KDR: variants seen among roughly 807,000 people sequenced by gnomAD.
KDR encodes the protein vascular endothelial growth factor receptor 2.
In KDR, 43 loss-of-function variants were observed where a neutral mutation model predicts 160.9. The ratio of observed to expected loss-of-function variants is 0.27; its 90% CI spans 0.21 to 0.34. KDR has a LOEUF of 0.34. KDR is among the 10% of genes least tolerant of loss of function. The pLI is 1.00. For synonymous variants in KDR, 617 were observed against 600.1 expected (o/e 1.03, Z -0.41); for missense variants, 1,469 against 1,666.4 (o/e 0.88, Z 2.06).
Position 55,079,014 on chromosome 4 carries a change from G to A in KDR, c.*927C>T, listed in dbSNP as rs776261771. 1.0e-4 allele frequency: 24 copies of A among 233,086 alleles called. No individual in the cohort carries two copies. Among genetic ancestry groups the A allele is most frequent in the South Asian group, 1.8e-4 (1 of 5,526 alleles). The allele number at this position is 233,086 out of a possible 1,614,324, so 14.4% of individuals were successfully genotyped here. On this transcript the variant is annotated 3_prime_UTR_variant, in exon 30 of 30. Coordinates refer to ENST00000263923, the MANE Select transcript of KDR (RefSeq NM_002253.4). ...CACACAGCTTCACATTGAACCTCCC[G>A]CATTCAGTCTCAGACATATCACATC... is the stretch of plus-strand genomic sequence containing the variant.
At chr4:55,095,047 T>C (rs1316088573) in intron 20 of KDR, 92 bp from the exon 21 acceptor site, 9 of 1,224,892 alleles carry the variant, frequency 7.3e-6, no homozygotes, top group Middle Eastern at 1.9e-4. Flanking sequence ...ACCATGGAGA[T>C]AATTGAAACT....
At chr4:55,120,339 G>A (rs1269221089) in intron 2 of KDR, among the ~76,000 whole-genome samples, 1 of 152,122 alleles carries the variant, frequency 6.6e-6, no homozygotes, top group Non-Finnish European at 1.5e-5. Flanking sequence ...TCCTAAGAAG[G>A]CTCCATGCCT....
chr4:55,097,833 G>A (rs1225531920), intron 17 of KDR, 67 bp from the exon 18 acceptor site: 2 of 1,124,076 alleles, frequency 1.8e-6, no homozygotes, highest in Non-Finnish European at 2.7e-6. Context: ...GTGATACGCA[G>A]AGACATCAAC....
chr4:55,115,267 G>T lies in KDR; in HGVS notation c.489+14C>A. The T allele has an allele frequency of 6.3e-7, 1 of 1,598,212 alleles. No individual in the cohort carries two copies. Among genetic ancestry groups the T allele is most frequent in the South Asian group, 1.1e-5 (1 of 90,798 alleles). On this transcript the variant is annotated intron_variant, in intron 4 of 29. Transcript: ENST00000263923. ...ATAAAAACTTAAGAGACGATTGGAGGAGATGCAACTTACTGCACAAAGTGA... is the reference window on the plus strand; with the variant it reads ...ATAAAAACTTAAGAGACGATTGGAGTAGATGCAACTTACTGCACAAAGTGA...
intron 1 of KDR, among the ~76,000 whole-genome samples, chr4:55,123,718 A>C (rs1720954742): frequency 6.6e-6 from 1 of 152,230 alleles, no homozygotes; most frequent in South Asian, 2.1e-4. Flanking sequence ...CTACTACTCA[A>C]TAAAAAGCCC....
Position 55,110,564 on chromosome 4 carries a change from T to G in KDR, c.1094A>C (p.Tyr365Ser), listed in dbSNP as rs763185398. The G allele has an allele frequency of 6.2e-7, 1 of 1,613,918 alleles. No homozygotes were observed. Among genetic ancestry groups the G allele is most frequent in the South Asian group, 1.1e-5 (1 of 91,076 alleles). ...LGYPPPEIKW[Y>S]KNGIPLESNH... ...GGACTCAAGGGGTATTCCATTTTTA[T>G]ACCTATGAAAAAAAATTCTCAGGAA... The change falls in exon 9 of 30, where the codon TAT (tyrosine) becomes TCT (serine). Residue 365 changes from tyrosine to serine, a missense_variant and splice_region_variant. By Grantham distance (144) the Tyr-to-Ser change is moderately radical. This residue lies in a region of KDR where 792 missense variants were observed against 840.9 expected (regional missense o/e 0.94). Transcript: ENST00000263923.
chr4:55,083,664 C>T (rs1466638408), intron 27 of KDR, among the ~76,000 whole-genome samples: 3 of 152,078 alleles, frequency 2.0e-5, no homozygotes, highest in Non-Finnish European at 4.4e-5. Context: ...CCCACCGAGA[C>T]AGAAAATACA....
At chr4:55,103,788 AAC>A (rs1240410202) in intron 13 of KDR, among the ~76,000 whole-genome samples, 4 of 152,224 alleles carry the variant, frequency 2.6e-5, no homozygotes, top group African/African-American at 7.2e-5. Context: ...GTAAAAAAAA[AAC>A]AGAGGGCACA....
chr4:55,094,560 G>A (rs1003474704), intron 21 of KDR, among the ~76,000 whole-genome samples: 1 of 152,198 alleles, frequency 6.6e-6, no homozygotes, highest in Non-Finnish European at 1.5e-5. Context: ...GTAGCCGACT[G>A]CTTAGCCCAC....
At chr4:55,086,592 G>A (rs565915687) in intron 27 of KDR, among the ~76,000 whole-genome samples, 4 of 152,226 alleles carry the variant, frequency 2.6e-5, no homozygotes, top group South Asian at 2.1e-4. Flanking sequence ...GATAATATAC[G>A]GCAAAGTTCT....
chr4:55,125,409 A>C lies in KDR; in HGVS notation c.-116T>G. 1.5e-6 allele frequency: 2 copies of C among 1,335,064 alleles called. No individual in the cohort carries two copies. The highest frequency in any genetic ancestry group is 2.1e-6 in the Non-Finnish European group (2 of 963,332). The allele number at this position is 1,335,064 out of a possible 1,614,324, so 82.7% of individuals were successfully genotyped here. On this transcript the variant is annotated 5_prime_UTR_variant, in exon 1 of 30. Transcript: ENST00000263923. Reference sequence around the variant, plus strand: ...CTCGCGGCACCCCGCAGCGCAGGACAGTTGAGCGCACAGGGCTAGGGAGCC... The same window carrying C: ...CTCGCGGCACCCCGCAGCGCAGGACCGTTGAGCGCACAGGGCTAGGGAGCC...
intron 7 of KDR, among the ~76,000 whole-genome samples, chr4:55,112,971 C>T (rs186982250): frequency 3.9e-5 from 6 of 152,210 alleles, no homozygotes. Context: ...TCAAGTAGGC[C>T]TCTCAGCCTT....
In KDR at chr4:55,121,124, G is replaced by T. The variant is rs1720863227; in HGVS notation, c.134C>A (p.Ala45Asp). 3 of 1,612,754 alleles carry T rather than the reference G, an allele frequency of 1.9e-6. No individual in the cohort carries two copies. The South Asian group carries it at 3.3e-5, about 18-fold the overall frequency. Residue 45 changes from alanine (A) to aspartate (D), a missense_variant, in exon 2 of 30, where the codon GCT (alanine) becomes GAT (aspartate). Coordinates refer to ENST00000263923, the MANE Select transcript of KDR (RefSeq NM_002253.4). ...GCAAGTAATTTGAAGAGTTGTATTA[G>T]CCTTAATTGTAAGTATGTCTTTTTG... ...SIQKDILTIK[A>D]NTTLQITCRG...
chr4:55,105,124 A>C lies in KDR; in HGVS notation c.1646-140T>G, dbSNP rs1055119373. On this transcript the variant is annotated intron_variant, in intron 12 of 29. Transcript: ENST00000263923. The stretch of plus-strand genomic sequence containing the variant: ...CCAGGTGATGTACTACAACTTGACA[A>C]ACAAACTAGACAATTCAGGTCCCAA... 4.8e-5 allele frequency: 35 copies of C among 722,506 alleles called. No homozygotes were observed. In the African/African-American group the frequency reaches 6.0e-4, roughly 12 times the overall value. The allele number at this position is 722,506 out of a possible 1,614,324, so 44.8% of individuals were successfully genotyped here.
rs1172581237 is a variant in KDR at position 55,079,334 on chromosome 4, T to C, written c.*607A>G. 8.4e-6 allele frequency: 2 copies of C among 238,130 alleles called. No homozygotes were observed. The highest frequency in any genetic ancestry group is 1.7e-5 in the Non-Finnish European group (2 of 121,012). 14.8% of individuals were successfully genotyped at this position (238,130 alleles called of 1,614,324 possible). A position where few individuals can be genotyped will look rare whatever the true frequency, so the allele number is the denominator to read the frequency against. ...ACCTTCTAAAACCAGAAACCCCGTC[T>C]GAACCCTTTACATTTCAGAACAGAC... is the stretch of plus-strand genomic sequence containing the variant. On this transcript the variant is annotated 3_prime_UTR_variant, in exon 30 of 30. Transcript: ENST00000263923.
intron 26 of KDR, 53 bp downstream of exon 26, chr4:55,088,815 T>C (rs772296731): frequency 2.3e-5 from 29 of 1,235,498 alleles, no homozygotes; most frequent in Non-Finnish European, 2.9e-5. Flanking sequence ...AGTAGGAAAG[T>C]CCTTGACATC....
intron 21 of KDR, 23 bp downstream of exon 21, chr4:55,094,779 A>G (rs760908126): frequency 5.6e-6 from 9 of 1,609,884 alleles, no homozygotes; most frequent in Non-Finnish European, 7.7e-6. Flanking sequence ...ATGCCATAGC[A>G]TGCAGGAAGC....
intron 9 of KDR, 31 bp downstream of exon 9, chr4:55,110,372 T>C: frequency 4.4e-6 from 7 of 1,608,724 alleles, no homozygotes; most frequent in Non-Finnish European, 6.0e-6. Flanking sequence ...ATAATAAATC[T>C]TGGGCAGAGA....
chr4:55,103,699 C>T (rs921358464), intron 13 of KDR, among the ~76,000 whole-genome samples: 2 of 152,162 alleles, frequency 1.3e-5, no homozygotes, highest in African/African-American at 2.4e-5. Flanking sequence ...TCTTCAAATA[C>T]GCCAAGGCCT....
Sources: allele counts gnomAD v4.1 joint callset (sites outside exome capture counted in the v4.1 genomes callset), GRCh38; gene constraint gnomAD v4.1.1; regional missense constraint gnomAD v4.1.1; transcripts MANE v1.5; gene names NCBI Gene and HGNC (gene_info 2026-07-23, HGNC 2026-07-21).